Variants in RBFOX3 observed in about 807,000 individuals in gnomAD.
RBFOX3 encodes RNA binding protein fox-1 homolog 3.
In RBFOX3, 17 loss-of-function variants were observed where a neutral mutation model predicts 48.7. That is an observed-to-expected ratio of 0.35 (90% CI 0.24 to 0.52). RBFOX3 has a LOEUF of 0.52. Among genes scored for constraint, RBFOX3 ranks in the 20% least tolerant of loss-of-function variants. RBFOX3 has a pLI of 0.94. For missense variants in RBFOX3, 382 were observed against 497.5 expected (o/e 0.77, Z 2.21); for synonymous variants, 212 against 209.5 (o/e 1.01, Z -0.10).
At chr17:79,517,480 A>C (rs1323849352) in intron 1 of RBFOX3, among the ~76,000 whole-genome samples, 1 of 151,722 alleles carries the variant, frequency 6.6e-6, no homozygotes, top group Non-Finnish European at 1.5e-5. Flanking sequence ...AACAAAAGAA[A>C]GGAAGGAGGA....
intron 3 of RBFOX3, among the ~76,000 whole-genome samples, chr17:79,275,123 CCTCTCTCTCTCT>C (rs368963249): frequency 1.3e-4 from 17 of 130,594 alleles, no homozygotes; most frequent in African/African-American, 5.0e-4. Context: ...TCCATGTCTC[CCTCTCTCTCTCT>C]CTCTCTCTCT....
intron 3 of RBFOX3, among the ~76,000 whole-genome samples, chr17:79,294,930 A>G (rs1425062811): frequency 6.6e-6 from 1 of 152,200 alleles, no homozygotes; most frequent in African/African-American, 2.4e-5. Flanking sequence ...AGTTTTGTCC[A>G]TAAGAGGAAG....
chr17:79,542,467 G>T (rs538576457), intron 1 of RBFOX3, among the ~76,000 whole-genome samples: 9 of 152,184 alleles, frequency 5.9e-5, no homozygotes, highest in Non-Finnish European at 1.3e-4. Flanking sequence ...CAGTCTGTCT[G>T]ATAGAAATAG....
chr17:79,633,443 G>A, the RBFOX3 span, among the ~76,000 whole-genome samples: 1 of 152,242 alleles, frequency 6.6e-6, no homozygotes, highest in Non-Finnish European at 1.5e-5. Context: ...GTAGGGAGGT[G>A]GGCTGGGTGG....
At chr17:79,239,122 G>C (rs1369217456) in intron 3 of RBFOX3, among the ~76,000 whole-genome samples, 2 of 152,140 alleles carry the variant, frequency 1.3e-5, no homozygotes, top group African/African-American at 4.8e-5. Flanking sequence ...GCCCATCCCT[G>C]GGATGGTGCC....
chr17:79,371,304 T>C (rs2058507041), intron 2 of RBFOX3, among the ~76,000 whole-genome samples: 1 of 152,238 alleles, frequency 6.6e-6, no homozygotes, highest in African/African-American at 2.4e-5. Flanking sequence ...TCCGAAGGGC[T>C]GTGAATATCT....
intron 2 of RBFOX3, among the ~76,000 whole-genome samples, chr17:79,397,387 G>A (rs1253915298): frequency 6.6e-6 from 1 of 151,980 alleles, no homozygotes; most frequent in Non-Finnish European, 1.5e-5. Flanking sequence ...CAGCTACTCG[G>A]GGGTCTGAGG....
chr17:79,368,216 T>C (rs2058053796), intron 2 of RBFOX3, among the ~76,000 whole-genome samples: 1 of 152,098 alleles, frequency 6.6e-6, no homozygotes, highest in Admixed American at 6.5e-5. Context: ...CGTGCCCACG[T>C]CATTCTGCAG....
intron 1 of RBFOX3, among the ~76,000 whole-genome samples, chr17:79,540,071 G>A (rs373697458): frequency 1.1e-4 from 17 of 152,306 alleles, no homozygotes; most frequent in South Asian, 2.1e-4. Flanking sequence ...TAATGGATCC[G>A]TTTCCTCTCC....
At chr17:79,197,507 GC>G (rs1467376879) in intron 4 of RBFOX3, among the ~76,000 whole-genome samples, 2 of 150,208 alleles carry the variant, frequency 1.3e-5, no homozygotes, top group Admixed American at 6.7e-5. Flanking sequence ...TCCTGCCTCA[GC>G]CTCCCGAGTA....
chr17:79,138,672 A>ACCC (rs138226007), intron 4 of RBFOX3, among the ~76,000 whole-genome samples: 4 of 21,422 alleles, frequency 1.9e-4, no homozygotes, highest in African/African-American at 4.3e-4. Context: ...ATGCATTCAC[A>ACCC]CCCTCACCCA....
At chr17:79,110,385 A>G (rs1033824736) in intron 5 of RBFOX3, among the ~76,000 whole-genome samples, 2 of 152,084 alleles carry the variant, frequency 1.3e-5, no homozygotes, top group Non-Finnish European at 2.9e-5. Context: ...GGGGCCCCCA[A>G]GCTTGGCACG....
chr17:79,306,979 T>C (rs1030575419), intron 3 of RBFOX3, among the ~76,000 whole-genome samples: 16 of 152,230 alleles, frequency 1.1e-4, no homozygotes, highest in African/African-American at 3.9e-4. Flanking sequence ...TTTTCTTTGA[T>C]ATTTATTAAC....
At chr17:79,594,810 G>A (rs1443998288) in intron 1 of RBFOX3, among the ~76,000 whole-genome samples, 7 of 152,124 alleles carry the variant, frequency 4.6e-5, no homozygotes, top group African/African-American at 1.7e-4. Context: ...GGGCACCCCT[G>A]AACATACAAG....
intron 4 of RBFOX3, among the ~76,000 whole-genome samples, chr17:79,146,958 C>G (rs148803643): frequency 6.6e-6 from 1 of 152,212 alleles, no homozygotes; most frequent in Admixed American, 6.5e-5. Flanking sequence ...TCAAAACGGG[C>G]CCCCTGCCTG....
chr17:79,571,587 T>C (rs2144562032), intron 1 of RBFOX3, among the ~76,000 whole-genome samples: 1 of 139,008 alleles, frequency 7.2e-6, no homozygotes, highest in African/African-American at 2.7e-5. Context: ...ACCAGGATAA[T>C]TTGATCAGGT....
Position 79,200,094 on chromosome 17 carries a change from C to T in RBFOX3, c.-34+35672G>A, listed in dbSNP as rs1306183353. ...AGGAGAATCACTTGAACCCGGAAGGCAGAGGTTGCAGTGAGCCGATATTGC... is the reference window on the plus strand; with the variant it reads ...AGGAGAATCACTTGAACCCGGAAGGTAGAGGTTGCAGTGAGCCGATATTGC... On this transcript the variant is annotated intron_variant, in intron 4 of 14. Transcript: ENST00000693108. 2.2e-5 allele frequency among the ~76,000 whole-genome samples: 3 copies of T among 139,508 alleles called. No individual in the cohort carries two copies. The Admixed American group carries it at 2.5e-4, about 12-fold the overall frequency. 91.5% of individuals were successfully genotyped at this position (139,508 alleles called of 152,430 possible).
chr17:79,096,659 C>G lies in RBFOX3; in HGVS notation c.930G>C (p.Glu310Asp). 8.9e-7 allele frequency: 1 copy of G among 1,123,702 alleles called. No individual in the cohort carries two copies. Among genetic ancestry groups the G allele is most frequent in the Non-Finnish European group, 1.2e-6 (1 of 815,696 alleles). 69.6% of individuals were successfully genotyped at this position (1,123,702 alleles called of 1,614,324 possible). Residue 310 changes from glutamate (E) to aspartate (D), a missense_variant, in exon 12 of 15, where the codon GAG becomes GAC. This residue lies in a region of RBFOX3 where 215 missense variants were observed against 254.8 expected (regional missense o/e 0.84). Coordinates refer to ENST00000693108, the MANE Select transcript of RBFOX3 (RefSeq NM_001350451.2). ...CCGGCGGGGCTACACTTACATAAAT[C>G]TCAGCACCATAAAATCCATCCTGAT... ...VVYQDGFYGA[E>D]IYGGYAAYRY...
chr17:79,264,263 A>C (rs977101688), intron 3 of RBFOX3, among the ~76,000 whole-genome samples: 1 of 151,744 alleles, frequency 6.6e-6, no homozygotes, highest in African/African-American at 2.4e-5. Context: ...TTTAGTAGAG[A>C]CAGGATTTCA....
Sources: allele counts gnomAD v4.1 joint callset (sites outside exome capture counted in the v4.1 genomes callset), GRCh38; gene constraint gnomAD v4.1.1; regional missense constraint gnomAD v4.1.1; transcripts MANE v1.5; gene names NCBI Gene and HGNC (gene_info 2026-07-23, HGNC 2026-07-21).